Variants in LCMT1 observed in about 807,000 individuals in gnomAD.
LCMT1 encodes the protein leucine carboxyl methyltransferase 1.
LCMT1 carries 32 observed loss-of-function variants against 47.7 expected under a neutral mutation model. The ratio of observed to expected loss-of-function variants is 0.67; its 90% confidence interval spans 0.51 to 0.90. The LOEUF is 0.90. Among genes scored for constraint, LCMT1 ranks in the 40% least tolerant of loss-of-function variants. The probability of loss-of-function intolerance (pLI) is 0.00; values close to 1 mark genes in which losing one functional copy is unlikely to be tolerated. For missense variants in LCMT1, 375 were observed against 415.2 expected, an observed-to-expected ratio of 0.90 and a Z score of 0.84; for synonymous variants, 152 against 149.7, an observed-to-expected ratio of 1.02 and a Z score of -0.11.
intron 1 of LCMT1, among the ~76,000 whole-genome samples, chr16:25,116,814 C>T (rs1424143227): frequency 6.6e-6 from 1 of 151,736 alleles, no homozygotes; most frequent in Non-Finnish European, 1.5e-5. Flanking sequence ...TCACTTGAGC[C>T]CAGGAGGTCG....
At chr16:25,128,613 G>A (rs367845935) in intron 2 of LCMT1, 47 bp downstream of exon 2, 170 of 1,375,322 alleles carry the variant, frequency 1.2e-4, no homozygotes, top group Middle Eastern at 8.8e-4. Flanking sequence ...AGCTACCTGA[G>A]GTTTTAGGGG....
rs1004730428 is a variant in LCMT1, at chr16:25,132,465, G to A, written c.269G>A (p.Cys90Tyr). The change falls in exon 3 of 11, where the codon TGT becomes TAT. Residue 90 changes from cysteine to tyrosine, a missense_variant. Cys to Tyr is a radical substitution (Grantham distance 194). Transcript: ENST00000399069. ...AAGGCATTTCTACGGAAGACAGAATGTCATTGTCAAATTGTCAACCTTGGG... is the reference window on the plus strand; with the variant it reads ...AAGGCATTTCTACGGAAGACAGAATATCATTGTCAAATTGTCAACCTTGGG... The part of the protein sequence containing the change: ...LIKAFLRKTE[C>Y]HCQIVNLGAG... 1.2e-6 allele frequency: 2 copies of A among 1,613,890 alleles called. No homozygotes were observed. The highest frequency in any genetic ancestry group is 1.3e-5 in the African/African-American group (1 of 75,008).
Position 25,138,980 on chromosome 16 carries a change from G to A in LCMT1, c.328-1191G>A, listed in dbSNP as rs796829971. On this transcript the variant is annotated intron_variant, in intron 3 of 10. Transcript: ENST00000399069. Reference sequence around the variant, plus strand: ...CTTTGAGACGGAGTCTCGCTTTGTCGCCAGGCTGGAGTGCAGCAGCGCGAT... The same window carrying A: ...CTTTGAGACGGAGTCTCGCTTTGTCACCAGGCTGGAGTGCAGCAGCGCGAT... 1.5e-4 allele frequency among the ~76,000 whole-genome samples: 23 copies of A among 151,208 alleles called. 1 individual carries two copies. Among genetic ancestry groups the A allele is most frequent in the African/African-American group, 5.6e-4 (23 of 41,156 alleles).
At chr16:25,175,348 G>A (rs1257975316) in intron 10 of LCMT1, among the ~76,000 whole-genome samples, 1 of 152,000 alleles carries the variant, frequency 6.6e-6, no homozygotes, top group Non-Finnish European at 1.5e-5. Flanking sequence ...AGTAGGCTGG[G>A]CGCGGGGTCT....
intron 1 of LCMT1, among the ~76,000 whole-genome samples, chr16:25,121,737 A>G (rs1762192044): frequency 6.6e-6 from 1 of 152,164 alleles, no homozygotes; most frequent in South Asian, 2.1e-4. Flanking sequence ...ATCTCATGAC[A>G]TGAGAACAGC....
At chr16:25,159,852 T>C (rs1294293629) in intron 5 of LCMT1, among the ~76,000 whole-genome samples, 1 of 152,134 alleles carries the variant, frequency 6.6e-6, no homozygotes, top group Non-Finnish European at 1.5e-5. Flanking sequence ...TAGCTGTTGA[T>C]GTTTCAGCTC....
At chr16:25,164,490 A>G (rs1387723821) in intron 6 of LCMT1, 108 bp from the exon 7 acceptor site, 2 of 1,355,342 alleles carry the variant, frequency 1.5e-6, no homozygotes, top group Non-Finnish European at 1.0e-6. Context: ...AGGCCTTCTG[A>G]GTTCCCTGGG....
chr16:25,127,316 T>C (rs1960220153), intron 1 of LCMT1, among the ~76,000 whole-genome samples: 1 of 152,252 alleles, frequency 6.6e-6, no homozygotes, highest in Non-Finnish European at 1.5e-5. Context: ...TTTAAGTATA[T>C]TGTTATAAAA....
chr16:25,140,212 T>A lies in LCMT1; in HGVS notation c.369T>A (p.Phe123Leu). ...LLPSKYFEVD[F>L]PMIVTRKLHS... ...CAAGTAAATATTTTGAGGTTGACTT[T>A]CCAATGATTGTCACGAGAAAGCTGC... is the stretch of plus-strand genomic sequence containing the variant. The change falls in exon 4 of 11, where the codon TTT becomes TTA. Residue 123 changes from phenylalanine to leucine, a missense_variant. Physicochemically the swap from Phe to Leu is conservative, Grantham distance 22 (BLOSUM62 0). Transcript: ENST00000399069. The A allele has an allele frequency of 6.2e-7, 1 of 1,608,602 alleles. No individual in the cohort carries two copies. The highest frequency in any genetic ancestry group is 1.1e-5 in the South Asian group (1 of 89,592).
intron 1 of LCMT1, among the ~76,000 whole-genome samples, chr16:25,124,293 TACAG>T (rs1369960148): frequency 6.6e-6 from 1 of 152,242 alleles, no homozygotes; most frequent in Non-Finnish European, 1.5e-5. Flanking sequence ...TGTACATGTA[TACAG>T]ACAAACACAC....
At chr16:25,161,347 CT>C in intron 6 of LCMT1, 143 bp downstream of exon 6, 1 of 493,452 alleles carries the variant, frequency 2.0e-6, no homozygotes, top group Non-Finnish European at 3.5e-6. Context: ...ACCTAGTTTT[CT>C]GAAAAAAATT....
chr16:25,116,756 C>T (rs969531184), intron 1 of LCMT1, among the ~76,000 whole-genome samples: 4 of 151,160 alleles, frequency 2.6e-5, no homozygotes, highest in East Asian at 1.9e-4. Context: ...TAACCAGTGT[C>T]GCGGTGCATG....
intron 4 of LCMT1, chr16:25,146,476 G>A (rs549056676): frequency 6.6e-6 from 1 of 152,534 alleles, no homozygotes; most frequent in South Asian, 2.1e-4. Flanking sequence ...CTCCATCCAA[G>A]GTTGGCTGTC....
chr16:25,174,512 A>G (rs940619315), intron 9 of LCMT1, among the ~76,000 whole-genome samples: 4 of 152,150 alleles, frequency 2.6e-5, no homozygotes, highest in Admixed American at 2.0e-4. Flanking sequence ...CATGATATAT[A>G]TGTCTTGGAG....
rs375058733 is a variant in LCMT1, at chr16:25,154,465, C to T, written c.466+2850C>T. On this transcript the variant is annotated intron_variant, in intron 5 of 10. Coordinates refer to ENST00000399069, the MANE Select transcript of LCMT1 (RefSeq NM_016309.3). The stretch of plus-strand genomic sequence containing the variant: ...TTCTTTCCTTTTCAGTTTATAGGAA[C>T]GCTTCATAACACATGGATGTGTTCT... Among the ~76,000 whole-genome samples the T allele has an allele frequency of 5.5e-4, 83 of 150,746 alleles. 1 individual carries two copies. The highest frequency in any genetic ancestry group is 2.0e-3 in the African/African-American group (81 of 41,064).
At chr16:25,158,078 C>T (rs1480168026) in intron 5 of LCMT1, among the ~76,000 whole-genome samples, 3 of 152,228 alleles carry the variant, frequency 2.0e-5, no homozygotes, top group African/African-American at 7.2e-5. Flanking sequence ...CTGTAGGGCA[C>T]TTTACAGCTT....
Position 25,178,125 on chromosome 16 carries a change from C to A in LCMT1, c.*102C>A. 9.7e-7 allele frequency: 1 copy of A among 1,026,008 alleles called. No homozygotes were observed. Among genetic ancestry groups the A allele is most frequent in the South Asian group, 1.3e-5 (1 of 74,836 alleles). 63.6% of individuals were successfully genotyped at this position (1,026,008 alleles called of 1,614,324 possible). A position where few individuals can be genotyped will look rare whatever the true frequency, so the allele number is the denominator to read the frequency against. On this transcript the variant is annotated 3_prime_UTR_variant, in exon 11 of 11. Transcript: ENST00000399069. ...GTGGGCGGGCCTCGTCCGCAGGTCT[C>A]ATCCCACACTCTTGAGAAGCCTTGG...
At chr16:25,169,897 C>T (rs1478536196) in intron 8 of LCMT1, among the ~76,000 whole-genome samples, 1 of 152,008 alleles carries the variant, frequency 6.6e-6, no homozygotes, top group African/African-American at 2.4e-5. Context: ...TTTCTCATAA[C>T]ACCTCCCACC....
In LCMT1 at chr16:25,161,383, T is replaced by C. The variant is rs1471287941; in HGVS notation, c.569+179T>C. Among the ~76,000 whole-genome samples the C allele has an allele frequency of 2.0e-5, 3 of 149,972 alleles. No individual in the cohort carries two copies. In the East Asian group the frequency reaches 5.9e-4, roughly 29 times the overall value. On this transcript the variant is annotated intron_variant, in intron 6 of 10. Coordinates refer to ENST00000399069, the MANE Select transcript of LCMT1 (RefSeq NM_016309.3). ...TCTTTTTTTTTTTTTTGAGGTGGAG[T>C]TTTGCTCTTGTTGCCCAGGCTGAGT...
Sources: gnomAD v4.1 joint callset for allele counts (sites outside exome capture counted in the v4.1 genomes callset) on GRCh38, gnomAD v4.1.1 for gene constraint, MANE v1.5 for transcripts, NCBI Gene and HGNC (gene_info 2026-07-23, HGNC 2026-07-21) for gene names.